The following SHOX variants were observed in gnomAD, a reference collection of about 807,000 sequenced individuals.
The protein encoded by SHOX is SHOX homeobox, also known as short stature homeobox protein.
In SHOX, 12 loss-of-function variants were observed where a neutral mutation model predicts 29.6. That is an observed-to-expected ratio of 0.41 (90% CI 0.26 to 0.66). SHOX has a LOEUF of 0.66. SHOX is among the 30% of genes least tolerant of loss of function. The pLI is 0.35. For missense variants in SHOX, 499 were observed against 437.7 expected (o/e 1.14, Z -1.25); for synonymous variants, 214 against 200.6 (o/e 1.07, Z -0.57).
intron 1 of SHOX, among the ~76,000 whole-genome samples, chrX:624,904 C>CTTCCTTTCTTTCTT (rs2052485772): frequency 2.1e-5 from 2 of 94,850 alleles, no homozygotes; most frequent in Non-Finnish European, 4.3e-5. Flanking sequence ...CTTTCTTTCT[C>CTTCCTTTCTTTCTT]TCTTCCTTTC....
chrX:631,996 C>T lies in SHOX; in HGVS notation c.277+822C>T, dbSNP rs765159920. 2.9e-4 allele frequency: 130 copies of T among 456,082 alleles called. 1 individual carries two copies. In the Middle Eastern group the frequency reaches 7.2e-3, roughly 25 times the overall value. 28.3% of individuals were successfully genotyped at this position (456,082 alleles called of 1,614,324 possible). ...AGACTCGAGGCTGCGTGGTAGGAGA[C>T]GGGAAGGCCCCGGGTCAGCTCGGTT... On this transcript the variant is annotated intron_variant, in intron 1 of 4. Transcript: ENST00000686671.
rs932897543 is a variant in SHOX, at chrX:644,715, C to T, written c.*79C>T. 5 of 1,342,244 alleles carry T rather than the reference C, an allele frequency of 3.7e-6. No individual in the cohort carries two copies. The East Asian group carries it at 1.6e-4, about 42-fold the overall frequency. The allele number at this position is 1,342,244 out of a possible 1,614,324, so 83.1% of individuals were successfully genotyped here. Reference sequence around the variant, plus strand: ...TGCACCGCGCGTCCTGCACTCAACCCCGCCTGGAGCTCCTTCCGCGGCCAC... The same window carrying T: ...TGCACCGCGCGTCCTGCACTCAACCTCGCCTGGAGCTCCTTCCGCGGCCAC... On this transcript the variant is annotated 3_prime_UTR_variant, in exon 5 of 5. Coordinates refer to ENST00000686671, the MANE Select transcript of SHOX (RefSeq NM_000451.4).
Position 650,804 on chromosome X carries a change from A to AAAAAAC in SHOX, c.*6173_*6174insCAAAAA, listed in dbSNP as rs1556473139. Reference sequence around the variant, plus strand: ...ACACGTTTGACATTAAAAAAAAAAAAAAAAAAAAAAAAAAACTGGTGCCTA... The same window carrying AAAAAAC: ...ACACGTTTGACATTAAAAAAAAAAAAAAAAACAAAAAAAAAAAAAAACTGGTGCCTA... On this transcript the variant is annotated 3_prime_UTR_variant, in exon 5 of 5. Coordinates refer to ENST00000686671, the MANE Select transcript of SHOX (RefSeq NM_000451.4). Among the ~76,000 whole-genome samples, 7 of 147,218 alleles carry AAAAAAC rather than the reference A, an allele frequency of 4.8e-5. No individual in the cohort carries two copies. Among genetic ancestry groups the AAAAAAC allele is most frequent in the South Asian group, 2.4e-4 (1 of 4,206 alleles).
At chrX:636,237 C>A (rs28470768) in intron 2 of SHOX, among the ~76,000 whole-genome samples, 2 of 143,112 alleles carry the variant, frequency 1.4e-5, no homozygotes, top group African/African-American at 5.1e-5. Context: ...ATATATAAAT[C>A]TATAAACATA....
upstream of SHOX, chrX:630,744 T>A (rs2052631773): frequency 2.1e-6 from 2 of 954,642 alleles, no homozygotes; most frequent in Non-Finnish European, 1.6e-6. Flanking sequence ...CATGGGGGGC[T>A]GGGCGAGGTC....
chrX:649,909 T>G lies in SHOX; in HGVS notation c.*5273T>G. ...AAATCTGTTTCTGACATATCCACTT[T>G]TCTCTCTCTTTTCTCTCTCTCTGAC... On this transcript the variant is annotated 3_prime_UTR_variant, in exon 5 of 5. Coordinates refer to ENST00000686671, the MANE Select transcript of SHOX (RefSeq NM_000451.4). 2.2e-6 allele frequency: 1 copy of G among 455,958 alleles called. No homozygotes were observed. The highest frequency in any genetic ancestry group is 4.4e-6 in the Non-Finnish European group (1 of 226,790). The allele number at this position is 455,958 out of a possible 1,614,324, so 28.2% of individuals were successfully genotyped here.
Position 649,977 on chromosome X carries a change from T to C in SHOX, c.*5341T>C, listed in dbSNP as rs1196621921. On this transcript the variant is annotated 3_prime_UTR_variant, in exon 5 of 5. Transcript: ENST00000686671. ...GAGAAGGAATTGGATGTATCGGATG[T>C]TGCTATTAGATTTTCTTTCTCCGTT... 1 of 455,952 alleles carries C rather than the reference T, an allele frequency of 2.2e-6. No individual in the cohort carries two copies. Among genetic ancestry groups the C allele is most frequent in the African/African-American group, 2.0e-5 (1 of 50,066 alleles). 28.2% of individuals were successfully genotyped at this position (455,952 alleles called of 1,614,324 possible). A position where few individuals can be genotyped will look rare whatever the true frequency, so the allele number is the denominator to read the frequency against.
At chrX:624,861 CT>C (rs376332410) in intron 1 of SHOX, among the ~76,000 whole-genome samples, 27 of 56,444 alleles carry the variant, frequency 4.8e-4, no homozygotes, top group Non-Finnish European at 7.3e-4. Flanking sequence ...CTCTTTCTTT[CT>C]TTTCTTTCTT....
At chrX:654,536 G>T (rs930998498), downstream of SHOX, among the ~76,000 whole-genome samples, 4 of 151,852 alleles carry the variant, frequency 2.6e-5, no homozygotes, top group Admixed American at 6.6e-5. Context: ...TCATTGTTGG[G>T]CATCCTGTGC....
rs1173040419 is a variant in SHOX, at chrX:647,184, C to T, written c.*2548C>T. 6.6e-6 allele frequency among the ~76,000 whole-genome samples: 1 copy of T among 152,240 alleles called. No homozygotes were observed. The highest frequency in any genetic ancestry group is 1.5e-5 in the Non-Finnish European group (1 of 68,052). ...CTCCGCCTCCCGGGTTCAAGCCATT[C>T]TCCTGCCTCAGCCTCCCGAGTAGCT... is the stretch of plus-strand genomic sequence containing the variant. On this transcript the variant is annotated 3_prime_UTR_variant, in exon 5 of 5. Transcript: ENST00000686671.
intron 2 of SHOX, among the ~76,000 whole-genome samples, chrX:635,331 G>C (rs2052726520): frequency 6.6e-6 from 1 of 152,154 alleles, no homozygotes; most frequent in East Asian, 1.9e-4. Flanking sequence ...TTTGGCCCCT[G>C]ATTCCCCTCC....
upstream of SHOX, among the ~76,000 whole-genome samples, chrX:628,137 CTATCTG>C (rs1379540683): frequency 8.2e-5 from 3 of 36,482 alleles, no homozygotes; most frequent in Admixed American, 3.0e-4. Context: ...CTCTGTATCT[CTATCTG>C]TGTCTCTCTT....
chrX:632,627 G>C (rs1391362507), intron 1 of SHOX, among the ~76,000 whole-genome samples: 2 of 152,178 alleles, frequency 1.3e-5, no homozygotes, highest in Non-Finnish European at 2.9e-5. Flanking sequence ...GGAGGCACCA[G>C]GCAGCTTCCC....
exon 6 of SHOX, chrX:659,106 G>C (rs1332453569): frequency 6.7e-6 from 1 of 150,062 alleles, no homozygotes; most frequent in East Asian, 1.9e-4. Flanking sequence ...TTTTAAGAAA[G>C]ACAGAGTCTT....
At position 646,385 on chromosome X, in the gene SHOX, C is replaced by A. The variant is rs1427644558; in HGVS notation, c.*1749C>A. ...ATTGGCATTAGTTACCACAGCCTGC[C>A]CAGAGAGAAACTATCTTCTCCCAAC... On this transcript the variant is annotated 3_prime_UTR_variant, in exon 5 of 5. Coordinates refer to ENST00000686671, the MANE Select transcript of SHOX (RefSeq NM_000451.4). 1 of 151,684 alleles carries A rather than the reference C, an allele frequency of 6.6e-6. No homozygotes were observed. Among genetic ancestry groups the A allele is most frequent in the African/African-American group, 2.4e-5 (1 of 41,280 alleles). 9.4% of individuals were successfully genotyped at this position (151,684 alleles called of 1,614,324 possible). A position where few individuals can be genotyped will look rare whatever the true frequency, so the allele number is the denominator to read the frequency against.
At position 634,627 on chromosome X, in the gene SHOX, A is replaced by G; in HGVS notation, c.287A>G (p.Glu96Gly). The G allele has an allele frequency of 7.4e-6, 12 of 1,613,686 alleles. No individual in the cohort carries two copies. The highest frequency in any genetic ancestry group is 9.3e-6 in the Non-Finnish European group (11 of 1,179,866). ...TCCGCTCCCCACGCAGGGATTTATGAATGCAAAGAGAAGCGCGAGGACGTG... is the reference window on the plus strand; with the variant it reads ...TCCGCTCCCCACGCAGGGATTTATGGATGCAAAGAGAAGCGCGAGGACGTG... ...GTARVAEGIY[E>G]CKEKREDVKS... Residue 96 changes from glutamate (E) to glycine (G), a missense_variant, in exon 2 of 5, where the codon GAA becomes GGA. Glu to Gly is a moderately conservative substitution (Grantham distance 98, BLOSUM62 -2). Coordinates refer to ENST00000686671, the MANE Select transcript of SHOX (RefSeq NM_000451.4).
At chrX:639,737 C>G (rs1260121298) in intron 2 of SHOX, among the ~76,000 whole-genome samples, 2 of 152,388 alleles carry the variant, frequency 1.3e-5, no homozygotes, top group East Asian at 3.9e-4. Context: ...TGCGGTGGCT[C>G]ACACCTCTAA....
chrX:638,533 G>A (rs755181873), intron 2 of SHOX, among the ~76,000 whole-genome samples: 1 of 152,164 alleles, frequency 6.6e-6, no homozygotes. Flanking sequence ...CTTTTTGGCG[G>A]GGGTGTGAGG....
chrX:631,515 T>TCTTTC (rs939290037), intron 1 of SHOX, among the ~76,000 whole-genome samples: 1 of 149,170 alleles, frequency 6.7e-6, no homozygotes, highest in African/African-American at 2.4e-5. Flanking sequence ...ATTTTCTTTT[T>TCTTTC]CTTTCCTTTC....
Sources: allele counts gnomAD v4.1 joint callset (sites outside exome capture counted in the v4.1 genomes callset), GRCh38; gene constraint gnomAD v4.1.1; transcripts MANE v1.5; gene names NCBI Gene and HGNC (gene_info 2026-07-23, HGNC 2026-07-21).